Variants in ST18 observed in about 807,000 individuals in gnomAD.
ST18 encodes the protein ST18 C2H2C-type zinc finger transcription factor, also known as suppression of tumorigenicity 18 protein.
Under a neutral mutation model 110.0 loss-of-function variants are expected in ST18, and 50 were observed. The ratio of observed to expected loss-of-function variants is 0.45; its 90% CI spans 0.36 to 0.58. The LOEUF (loss-of-function observed/expected upper bound fraction) is 0.58, where lower values mean the gene tolerates loss of function less well. Ranked by LOEUF, ST18 falls within the 20% of genes least tolerant of loss-of-function variation. The pLI is 0.00. For synonymous variants in ST18, 461 were observed against 452.4 expected, an observed-to-expected ratio of 1.02 and a Z score of -0.24; for missense variants, 1,306 against 1,280.1, an observed-to-expected ratio of 1.02 and a Z score of -0.31.
At chr8:52,121,825 G>A (rs1031746554) in intron 23 of ST18, among the ~76,000 whole-genome samples, 10 of 152,156 alleles carry the variant, frequency 6.6e-5, no homozygotes, top group South Asian at 2.1e-4. Flanking sequence ...CAAGGAAACC[G>A]TATAAACTAT....
intron 2 of ST18, among the ~76,000 whole-genome samples, chr8:52,253,918 C>T (rs2094434412): frequency 6.6e-6 from 1 of 151,968 alleles, no homozygotes; most frequent in African/African-American, 2.4e-5. Context: ...TGAAATTCTT[C>T]TCAAAACAGA....
At chr8:52,154,846 A>C (rs1587149697) in intron 15 of ST18, 1 of 149,334 alleles carries the variant, frequency 6.7e-6, no homozygotes, top group Non-Finnish European at 1.5e-5. Context: ...ACATCACTGC[A>C]CTCCAGCCTA....
chr8:52,117,158 C>T (rs1468210949), intron 24 of ST18, among the ~76,000 whole-genome samples: 1 of 152,190 alleles, frequency 6.6e-6, no homozygotes, highest in Non-Finnish European at 1.5e-5. Flanking sequence ...ACCTGCCCCA[C>T]CCAGCTCACT....
At chr8:52,146,031 T>C (rs1456287093) in intron 16 of ST18, among the ~76,000 whole-genome samples, 1 of 152,184 alleles carries the variant, frequency 6.6e-6, no homozygotes, top group African/African-American at 2.4e-5. Context: ...GCATATGAAC[T>C]AGATAACAAT....
At chr8:52,286,450 A>G (rs989506857) in intron 2 of ST18, among the ~76,000 whole-genome samples, 1 of 152,178 alleles carries the variant, frequency 6.6e-6, no homozygotes. Flanking sequence ...CCTATGCTAT[A>G]TTACCTCTTC....
At position 52,391,277 on chromosome 8, in the gene ST18, A is replaced by G. The variant is rs964532419; in HGVS notation, c.-465+18051T>C. ...CTTTGCTTGCTACCTAGTAGCAAGCAAAGCACTGTGCCAGACCAGAAAGAA... is the reference window on the plus strand; with the variant it reads ...CTTTGCTTGCTACCTAGTAGCAAGCGAAGCACTGTGCCAGACCAGAAAGAA... On this transcript the variant is annotated intron_variant, in intron 2 of 25. Coordinates refer to ENST00000689386, the MANE Select transcript of ST18 (RefSeq NM_001352837.2). Among the ~76,000 whole-genome samples, 4 of 152,218 alleles carry G rather than the reference A, an allele frequency of 2.6e-5. No individual in the cohort carries two copies. In the East Asian group the frequency reaches 5.8e-4, roughly 22 times the overall value.
At chr8:52,125,739 C>T (rs1460379646) in intron 23 of ST18, 1 of 264,854 alleles carries the variant, frequency 3.8e-6, no homozygotes, top group African/African-American at 2.2e-5. Context: ...ATCCTCTATC[C>T]TTGGTCTCCC....
chr8:52,267,483 TAAAA>T (rs57769643), intron 2 of ST18, among the ~76,000 whole-genome samples: 3,786 of 115,008 alleles, frequency 0.033, 101 homozygotes, highest in Admixed American at 0.089. Context: ...AGAGATAAGC[TAAAA>T]AAAAAAAAAA....
chr8:52,367,664 C>T (rs1208857350), intron 2 of ST18, among the ~76,000 whole-genome samples: 1 of 152,182 alleles, frequency 6.6e-6, no homozygotes. Flanking sequence ...CTGTTCAACC[C>T]ATACACCAAT....
chr8:52,290,563 C>T (rs750955804), intron 2 of ST18, among the ~76,000 whole-genome samples: 40 of 152,178 alleles, frequency 2.6e-4, no homozygotes, highest in Non-Finnish European at 4.3e-4. Flanking sequence ...TTCCTCAATG[C>T]GTTGATTGGC....
At chr8:52,161,227 T>C (rs931119067) in intron 14 of ST18, 148 bp downstream of exon 14, 6 of 701,436 alleles carry the variant, frequency 8.6e-6, no homozygotes, top group Non-Finnish European at 1.3e-5. Context: ...TCGTTTTCTT[T>C]ATGGTATTTC....
At chr8:52,320,933 T>C (rs1202828229) in intron 2 of ST18, among the ~76,000 whole-genome samples, 1 of 152,218 alleles carries the variant, frequency 6.6e-6, no homozygotes, top group Non-Finnish European at 1.5e-5. Context: ...TCAATAGGGA[T>C]ATAATAGGGT....
chr8:52,401,544 TTCTTTTC>T (rs1842812881), intron 2 of ST18, among the ~76,000 whole-genome samples: 1 of 152,068 alleles, frequency 6.6e-6, no homozygotes, highest in South Asian at 2.1e-4. Context: ...TTCAAAAGAC[TTCTTTTC>T]AAGTTCAGAG....
chr8:52,288,128 A>G (rs1278250162), intron 2 of ST18, among the ~76,000 whole-genome samples: 1 of 152,226 alleles, frequency 6.6e-6, no homozygotes, highest in Non-Finnish European at 1.5e-5. Context: ...CCTACGCCTG[A>G]TTCAGTACTG....
At chr8:52,311,755 G>A (rs987356577) in intron 2 of ST18, among the ~76,000 whole-genome samples, 2 of 152,142 alleles carry the variant, frequency 1.3e-5, no homozygotes, top group South Asian at 2.1e-4. Context: ...TCACTATCAT[G>A]AGAACACCAT....
intron 2 of ST18, among the ~76,000 whole-genome samples, chr8:52,246,366 G>A (rs1243018638): frequency 6.6e-6 from 1 of 151,910 alleles, no homozygotes; most frequent in Non-Finnish European, 1.5e-5. Flanking sequence ...GAAGAAAACT[G>A]CATAATCTTA....
rs952990242 is a variant in ST18 at position 52,112,750 on chromosome 8, C to T, written c.*448G>A. ...ACCCTTTCCTGTTTCCTCATTAAAACCCAGCAAGAAAGATGACTTGAGAAT... is the reference window on the plus strand; with the variant it reads ...ACCCTTTCCTGTTTCCTCATTAAAATCCAGCAAGAAAGATGACTTGAGAAT... On this transcript the variant is annotated 3_prime_UTR_variant, in exon 26 of 26. Coordinates refer to ENST00000689386, the MANE Select transcript of ST18 (RefSeq NM_001352837.2). 1 of 153,032 alleles carries T rather than the reference C, an allele frequency of 6.5e-6. No individual in the cohort carries two copies. The highest frequency in any genetic ancestry group is 2.4e-5 in the African/African-American group (1 of 41,438). 9.5% of individuals were successfully genotyped at this position (153,032 alleles called of 1,614,324 possible).
chr8:52,169,068 G>C (rs751696732), intron 10 of ST18, among the ~76,000 whole-genome samples: 12 of 152,136 alleles, frequency 7.9e-5, no homozygotes, highest in Non-Finnish European at 1.6e-4. Context: ...GAGGGTGCTA[G>C]AGATAAGGCA....
At position 52,112,522 on chromosome 8, in the gene ST18, A is replaced by C. The variant is rs1488039380; in HGVS notation, c.*676T>G. On this transcript the variant is annotated 3_prime_UTR_variant, in exon 26 of 26. Transcript: ENST00000689386. ...ATTTAATTATTGCTAACAAATTCTG[A>C]GCAGGCTGTTTTCCAGCATCCTGTG... 1 of 152,654 alleles carries C rather than the reference A, an allele frequency of 6.6e-6. No individual in the cohort carries two copies. Among genetic ancestry groups the C allele is most frequent in the Non-Finnish European group, 1.5e-5 (1 of 68,044 alleles). The allele number at this position is 152,654 out of a possible 1,614,324, so 9.5% of individuals were successfully genotyped here. A position where few individuals can be genotyped will look rare whatever the true frequency, so the allele number is the denominator to read the frequency against.
Sources: gnomAD v4.1 joint callset for allele counts (sites outside exome capture counted in the v4.1 genomes callset) on GRCh38, gnomAD v4.1.1 for gene constraint, MANE v1.5 for transcripts, NCBI Gene and HGNC (gene_info 2026-07-23, HGNC 2026-07-21) for gene names.